The following DPYSL3 variants were observed in gnomAD, a reference collection of about 807,000 sequenced individuals.
DPYSL3 encodes dihydropyrimidinase-related protein 3.
DPYSL3 carries 16 observed loss-of-function variants against 66.1 expected under a neutral mutation model. That is an observed-to-expected ratio of 0.24 (90% confidence interval 0.16 to 0.37). DPYSL3 has a LOEUF of 0.37. Among genes scored for constraint, DPYSL3 ranks in the 10% least tolerant of loss-of-function variants. The probability of loss-of-function intolerance (pLI) is 1.00; values close to 1 mark genes in which losing one functional copy is unlikely to be tolerated. For synonymous variants in DPYSL3, 338 were observed against 345.1 expected, an observed-to-expected ratio of 0.98 and a Z score of 0.23; for missense variants, 738 against 916.2, an observed-to-expected ratio of 0.81 and a Z score of 2.51.
chr5:147,488,851 C>T (rs1561804121), intron 1 of DPYSL3, among the ~76,000 whole-genome samples: 1 of 151,952 alleles, frequency 6.6e-6, no homozygotes, highest in Non-Finnish European at 1.5e-5. Context: ...CCTGTCTCTA[C>T]TAAAAATACA....
chr5:147,436,933 G>T (rs1309333425), intron 1 of DPYSL3, among the ~76,000 whole-genome samples: 1 of 152,220 alleles, frequency 6.6e-6, no homozygotes, highest in African/African-American at 2.4e-5. Context: ...CAACCATACA[G>T]CAATGTAGCA....
rs1361765044 is a variant in DPYSL3, at chr5:147,392,635, A to T, written c.*1400T>A. ...AAACTGAATTTTCAGAAGCAGCATG[A>T]TAGGGAAAGAGATATTCAACTCTGA... is the stretch of plus-strand genomic sequence containing the variant. On this transcript the variant is annotated 3_prime_UTR_variant, in exon 14 of 14. Coordinates refer to ENST00000343218, the MANE Select transcript of DPYSL3 (RefSeq NM_001197294.2). The T allele has an allele frequency of 6.6e-6, 1 of 152,214 alleles. No individual in the cohort carries two copies. The highest frequency in any genetic ancestry group is 1.5e-5 in the Non-Finnish European group (1 of 68,042). 9.4% of individuals were successfully genotyped at this position (152,214 alleles called of 1,614,324 possible).
At chr5:147,404,774 C>G (rs1758286881) in intron 8 of DPYSL3, among the ~76,000 whole-genome samples, 2 of 152,206 alleles carry the variant, frequency 1.3e-5, no homozygotes, top group Admixed American at 6.5e-5. Flanking sequence ...GGAGCAGGGA[C>G]ACAGCCAGGG....
At chr5:147,416,909 T>G (rs1019085947) in intron 3 of DPYSL3, among the ~76,000 whole-genome samples, 1 of 152,120 alleles carries the variant, frequency 6.6e-6, no homozygotes, top group Non-Finnish European at 1.5e-5. Flanking sequence ...AGAACAAAAA[T>G]GAATGCAAAG....
At chr5:147,442,486 G>A (rs961202498) in intron 1 of DPYSL3, among the ~76,000 whole-genome samples, 3 of 152,166 alleles carry the variant, frequency 2.0e-5, no homozygotes, top group South Asian at 2.1e-4. Flanking sequence ...AAAGACACTG[G>A]GATTTCAATC....
intron 1 of DPYSL3, among the ~76,000 whole-genome samples, chr5:147,477,604 C>T (rs1753175450): frequency 9.4e-6 from 1 of 106,882 alleles, no homozygotes. Context: ...GAGACGGAGT[C>T]TCGCTCTGTC....
intron 7 of DPYSL3, among the ~76,000 whole-genome samples, chr5:147,407,803 C>A: frequency 6.6e-6 from 1 of 152,052 alleles, no homozygotes; most frequent in East Asian, 1.9e-4. Context: ...ATAAAAATAT[C>A]ACTAGATACA....
intron 8 of DPYSL3, among the ~76,000 whole-genome samples, chr5:147,402,440 C>T (rs1456580659): frequency 2.2e-5 from 3 of 136,650 alleles, no homozygotes; most frequent in African/African-American, 3.6e-5. Flanking sequence ...CTCCGCCTCC[C>T]GGGTTCACGC....
chr5:147,478,119 A>G (rs1753186198), intron 1 of DPYSL3, among the ~76,000 whole-genome samples: 1 of 152,202 alleles, frequency 6.6e-6, no homozygotes, highest in Non-Finnish European at 1.5e-5. Flanking sequence ...ACTACATAAG[A>G]TATCTCTCAG....
chr5:147,453,527 G>A, intron 1 of DPYSL3: 1 of 1,525,332 alleles, frequency 6.6e-7, no homozygotes, highest in South Asian at 1.2e-5. Flanking sequence ...AGGAGGGAGG[G>A]AGCAGCGGCG....
intron 1 of DPYSL3, among the ~76,000 whole-genome samples, chr5:147,496,048 G>A (rs1334018970): frequency 2.0e-5 from 3 of 152,156 alleles, no homozygotes; most frequent in African/African-American, 4.8e-5. Flanking sequence ...TACCAAAACA[G>A]AGATATAGAC....
At chr5:147,461,728 G>C (rs972965562) in intron 1 of DPYSL3, among the ~76,000 whole-genome samples, 1 of 152,194 alleles carries the variant, frequency 6.6e-6, no homozygotes, top group Non-Finnish European at 1.5e-5. Flanking sequence ...GTAGAGGCCA[G>C]GTACTGAGTG....
At chr5:147,477,155 A>C (rs1753165856) in intron 1 of DPYSL3, among the ~76,000 whole-genome samples, 2 of 152,258 alleles carry the variant, frequency 1.3e-5, no homozygotes, top group African/African-American at 4.8e-5. Flanking sequence ...GAAAAGAACA[A>C]GACATGATCA....
intron 1 of DPYSL3, among the ~76,000 whole-genome samples, chr5:147,496,461 C>T (rs1427727861): frequency 1.3e-5 from 2 of 151,892 alleles, no homozygotes; most frequent in African/African-American, 2.4e-5. Flanking sequence ...AGTGAACAGG[C>T]AACCTACAAA....
At chr5:147,483,377 G>GT (rs1209746653) in intron 1 of DPYSL3, among the ~76,000 whole-genome samples, 5 of 152,202 alleles carry the variant, frequency 3.3e-5, no homozygotes, top group Admixed American at 1.3e-4. Context: ...CCCGGCTAAT[G>GT]TAACACTGTG....
chr5:147,484,670 A>G (rs1753301037), intron 1 of DPYSL3, among the ~76,000 whole-genome samples: 1 of 152,226 alleles, frequency 6.6e-6, no homozygotes, highest in East Asian at 1.9e-4. Context: ...CAGACATCAG[A>G]GCAAATTAGA....
chr5:147,414,136 G>A (rs1011732691), intron 4 of DPYSL3, among the ~76,000 whole-genome samples: 2 of 152,140 alleles, frequency 1.3e-5, no homozygotes, highest in African/African-American at 4.8e-5. Context: ...TTCATAAAGT[G>A]GTTGTGAATA....
At chr5:147,401,493 A>C in intron 9 of DPYSL3, 47 bp downstream of exon 9, 7 of 1,562,886 alleles carry the variant, frequency 4.5e-6, no homozygotes, top group African/African-American at 1.3e-5. Flanking sequence ...GCTGGACTCA[A>C]GAGATGTTTT....
At position 147,405,604 on chromosome 5, in the gene DPYSL3, A is replaced by G. The variant is rs1758306549; in HGVS notation, c.1153+6T>C. 6.2e-7 allele frequency: 1 copy of G among 1,609,424 alleles called. No homozygotes were observed. Among genetic ancestry groups the G allele is most frequent in the Non-Finnish European group, 8.5e-7 (1 of 1,177,954 alleles). On this transcript the variant is annotated splice_donor_region_variant and intron_variant, in intron 8 of 13. Coordinates refer to ENST00000343218, the MANE Select transcript of DPYSL3 (RefSeq NM_001197294.2). ...GGGGCTCCGAGATCTTGGAAACACA[A>G]ATCACCTTTTTTCCTGGCTTGTGAG... is the stretch of plus-strand genomic sequence containing the variant.
Sources: allele counts gnomAD v4.1 joint callset (sites outside exome capture counted in the v4.1 genomes callset), GRCh38; gene constraint gnomAD v4.1.1; transcripts MANE v1.5; gene names NCBI Gene and HGNC (gene_info 2026-07-23, HGNC 2026-07-21).